Variants in NRXN3 observed in about 807,000 individuals in gnomAD.
NRXN3 encodes the protein neurexin 3.
NRXN3 carries 32 observed loss-of-function variants against 137.6 expected under a neutral mutation model. That is an observed-to-expected ratio of 0.23 (90% confidence interval 0.18 to 0.31). The LOEUF is 0.31. Ranked by LOEUF, NRXN3 falls within the 10% of genes least tolerant of loss-of-function variation. The pLI, the probability that NRXN3 is intolerant of heterozygous loss-of-function variation, is 1.00. For missense variants in NRXN3, 1,574 were observed against 2,062.5 expected (o/e 0.76, Z 4.59); for synonymous variants, 798 against 784.5 (o/e 1.02, Z -0.29).
At chr14:79,428,879 TG>T (rs922251167) in intron 15 of NRXN3, among the ~76,000 whole-genome samples, 4 of 152,000 alleles carry the variant, frequency 2.6e-5, no homozygotes, top group African/African-American at 9.7e-5. Flanking sequence ...GGAATAGGAG[TG>T]GGCAGATATG....
intron 15 of NRXN3, among the ~76,000 whole-genome samples, chr14:79,048,750 C>T (rs1248215635): frequency 6.6e-6 from 1 of 150,832 alleles, no homozygotes; most frequent in Non-Finnish European, 1.5e-5. Context: ...ATAGGCCGGG[C>T]GCGGTGGCTC....
intron 8 of NRXN3, among the ~76,000 whole-genome samples, chr14:78,767,067 G>A (rs1440553238): frequency 6.6e-6 from 1 of 152,128 alleles, no homozygotes; most frequent in Non-Finnish European, 1.5e-5. Context: ...ATTTCTGTAG[G>A]TCCTAGGTCC....
chr14:79,614,117 C>T (rs2543584), intron 16 of NRXN3, among the ~76,000 whole-genome samples: 50,216 of 151,918 alleles, frequency 0.33, 11,056 homozygotes, highest in African/African-American at 0.64. Flanking sequence ...AATTGTCACT[C>T]TTAAAATCTG....
chr14:78,646,044 C>G (rs184535155), intron 5 of NRXN3, among the ~76,000 whole-genome samples: 1 of 152,056 alleles, frequency 6.6e-6, no homozygotes, highest in African/African-American at 2.4e-5. Flanking sequence ...CCCTGTCTCT[C>G]CCTCCGAGAC....
chr14:79,550,659 C>T (rs2097364738), intron 16 of NRXN3, among the ~76,000 whole-genome samples: 1 of 152,060 alleles, frequency 6.6e-6, no homozygotes, highest in African/African-American at 2.4e-5. Context: ...TCAGAAAGGC[C>T]AGCCAAGGAA....
chr14:78,314,991 C>T lies in NRXN3; in HGVS notation c.757+17131C>T, dbSNP rs1398958361. Among the ~76,000 whole-genome samples, 88 of 68,284 alleles carry T rather than the reference C, an allele frequency of 1.3e-3. 1 individual carries two copies. The highest frequency in any genetic ancestry group is 5.6e-3 in the African/African-American group (84 of 15,100). The allele number at this position is 68,284 out of a possible 152,430, so 44.8% of individuals were successfully genotyped here. A position where few individuals can be genotyped will look rare whatever the true frequency, so the allele number is the denominator to read the frequency against. The stretch of plus-strand genomic sequence containing the variant: ...CCTTCCTTCCTTCCTTCCTTCCTTT[C>T]TCTTTCTTTCTTTCTTTCTTTTCTT... On this transcript the variant is annotated intron_variant, in intron 4 of 20. Transcript: ENST00000335750.
rs1603255613 is a variant in NRXN3 at position 79,627,878 on chromosome 14, A to G, written c.3445-35900A>G. ...TACTTTTTTTATAGTATATAGAGTGACAATTTTCAATACAAATAGTGTCTG... is the reference window on the plus strand; with the variant it reads ...TACTTTTTTTATAGTATATAGAGTGGCAATTTTCAATACAAATAGTGTCTG... On this transcript the variant is annotated intron_variant, in intron 16 of 20. Coordinates refer to ENST00000335750, the MANE Select transcript of NRXN3 (RefSeq NM_001330195.2). Among the ~76,000 whole-genome samples the G allele has an allele frequency of 2.6e-5, 4 of 152,204 alleles. 1 individual carries two copies. The East Asian group carries it at 7.7e-4, about 29-fold the overall frequency.
chr14:78,825,196 CAAAAAAA>C (rs11335474), intron 10 of NRXN3, among the ~76,000 whole-genome samples: 1 of 75,822 alleles, frequency 1.3e-5, no homozygotes, highest in Non-Finnish European at 2.7e-5. Flanking sequence ...GACTCTGCCT[CAAAAAAA>C]AAAAAAAAAA....
intron 1 of NRXN3, among the ~76,000 whole-genome samples, chr14:78,206,618 G>A (rs918579287): frequency 2.8e-4 from 42 of 152,266 alleles, no homozygotes; most frequent in African/African-American, 9.6e-4. Context: ...TCCTTGGTTG[G>A]TAGGGCAGCT....
intron 15 of NRXN3, among the ~76,000 whole-genome samples, chr14:79,149,683 G>A (rs1401588542): frequency 6.6e-6 from 1 of 151,978 alleles, no homozygotes. Context: ...GACATAAAAA[G>A]GAATGAGATC....
chr14:78,803,935 A>G (rs968337945), intron 9 of NRXN3, 112 bp downstream of exon 9: 16 of 1,014,614 alleles, frequency 1.6e-5, no homozygotes, highest in Non-Finnish European at 2.2e-5. Context: ...TTAGCTGCTC[A>G]CCTCTTGTTT....
intron 4 of NRXN3, among the ~76,000 whole-genome samples, chr14:78,456,860 T>C (rs922904903): frequency 5.2e-5 from 4 of 76,360 alleles, no homozygotes; most frequent in East Asian, 8.3e-4. Context: ...TTTCTTTTTC[T>C]CTTTCTTTCT....
chr14:79,164,614 C>T (rs947590313), intron 15 of NRXN3, among the ~76,000 whole-genome samples: 4 of 151,988 alleles, frequency 2.6e-5, no homozygotes, highest in South Asian at 2.1e-4. Context: ...AAAGGGACTA[C>T]TTTATGAAAA....
intron 6 of NRXN3, among the ~76,000 whole-genome samples, chr14:78,699,318 C>G (rs1007383358): frequency 1.3e-5 from 2 of 152,176 alleles, no homozygotes; most frequent in African/African-American, 4.8e-5. Flanking sequence ...AGATTTATCC[C>G]TGGAATGATA....
chr14:78,431,423 T>C (rs2093875417), intron 4 of NRXN3, among the ~76,000 whole-genome samples: 1 of 152,198 alleles, frequency 6.6e-6, no homozygotes, highest in African/African-American at 2.4e-5. Context: ...AATAGGAGTA[T>C]AGGAATGAGT....
At chr14:78,403,741 G>A in intron 4 of NRXN3, 1 of 985,426 alleles carries the variant, frequency 1.0e-6, no homozygotes, top group Non-Finnish European at 1.2e-6. Flanking sequence ...AATTGCTCCG[G>A]GAGAGACACA....
At chr14:79,671,747 A>G (rs1370212412) in intron 17 of NRXN3, among the ~76,000 whole-genome samples, 2 of 152,088 alleles carry the variant, frequency 1.3e-5, no homozygotes, top group Non-Finnish European at 2.9e-5. Flanking sequence ...AAATACAATT[A>G]CTGCTATCAA....
intron 4 of NRXN3, among the ~76,000 whole-genome samples, chr14:78,316,607 G>A (rs533317342): frequency 1.3e-5 from 2 of 152,248 alleles, no homozygotes; most frequent in South Asian, 2.1e-4. Flanking sequence ...GAGAATTTTG[G>A]TGAGACATTC....
At chr14:79,030,594 A>C (rs1172080631) in intron 15 of NRXN3, among the ~76,000 whole-genome samples, 1 of 144,712 alleles carries the variant, frequency 6.9e-6, no homozygotes, top group Non-Finnish European at 1.5e-5. Context: ...CTAATACCTC[A>C]AATTGTACAG....
Sources: gnomAD v4.1 joint callset for allele counts (sites outside exome capture counted in the v4.1 genomes callset) on GRCh38, gnomAD v4.1.1 for gene constraint, MANE v1.5 for transcripts, NCBI Gene and HGNC (gene_info 2026-07-23, HGNC 2026-07-21) for gene names.